CACNA1S: variants seen among roughly 807,000 people sequenced by gnomAD.
The protein encoded by CACNA1S is voltage-dependent L-type calcium channel subunit alpha-1S.
Under a neutral mutation model 207.4 loss-of-function variants are expected in CACNA1S, and 126 were observed. The observed-to-expected ratio is 0.61, with a 90% CI of 0.53 to 0.70. The LOEUF (loss-of-function observed/expected upper bound fraction) is 0.70. Among genes scored for constraint, CACNA1S ranks in the 30% least tolerant of loss-of-function variants. The pLI is 0.00. For synonymous variants in CACNA1S, 960 were observed against 932.7 expected (o/e 1.03, Z -0.53); for missense variants, 2,349 against 2,422.8 (o/e 0.97, Z 0.64).
intron 34 of CACNA1S, among the ~76,000 whole-genome samples, chr1:201,049,667 G>A (rs1327322796): frequency 1.3e-5 from 2 of 152,200 alleles, no homozygotes; most frequent in Non-Finnish European, 2.9e-5. Flanking sequence ...TTGATGGGCA[G>A]GCTGCGAAAA....
At chr1:201,050,291 C>T in intron 34 of CACNA1S, 98 bp downstream of exon 34, 2 of 1,281,838 alleles carry the variant, frequency 1.6e-6, no homozygotes, top group Non-Finnish European at 2.3e-6. Flanking sequence ...GAAGGAGAAG[C>T]CCACTCATAC....
chr1:201,084,293 A>T (rs1225038111), intron 9 of CACNA1S, among the ~76,000 whole-genome samples: 1 of 152,112 alleles, frequency 6.6e-6, no homozygotes. Flanking sequence ...AAAACAAAAA[A>T]ATCCTGGCAC....
chr1:201,062,148 C>G (rs1661073937), intron 23 of CACNA1S, 58 bp from the exon 24 acceptor site: 2 of 1,588,470 alleles, frequency 1.3e-6, no homozygotes, highest in African/African-American at 2.7e-5. Flanking sequence ...TTGCCCCACC[C>G]ACATCCTCTG....
chr1:201,076,806 C>T, intron 12 of CACNA1S, 114 bp downstream of exon 12: 2 of 968,152 alleles, frequency 2.1e-6, no homozygotes, highest in South Asian at 2.6e-5. Flanking sequence ...TTGCACTCAA[C>T]CAGCAGATCA....
intron 13 of CACNA1S, 32 bp from the exon 14 acceptor site, chr1:201,074,652 G>A (rs1171151720): frequency 2.1e-6 from 3 of 1,409,382 alleles, no homozygotes; most frequent in Non-Finnish European, 3.0e-6. Flanking sequence ...GCCTTTGGTT[G>A]TAGGTGGAAG....
chr1:201,043,563 G>T, intron 39 of CACNA1S, 32 bp from the exon 40 acceptor site: 1 of 1,612,288 alleles, frequency 6.2e-7, no homozygotes, highest in Non-Finnish European at 8.5e-7. Flanking sequence ...GTGACTGGGG[G>T]TGAGGGCAGG....
intron 2 of CACNA1S, among the ~76,000 whole-genome samples, chr1:201,098,969 C>T (rs1388069656): frequency 6.6e-6 from 1 of 152,198 alleles, no homozygotes. Context: ...GGCCTTGCAC[C>T]TGCTCCCAGG....
At chr1:201,045,568 C>G (rs11801986) in intron 38 of CACNA1S, among the ~76,000 whole-genome samples, 2 of 151,850 alleles carry the variant, frequency 1.3e-5, no homozygotes, top group Non-Finnish European at 2.9e-5. Context: ...AACCCCATCT[C>G]TACTAAAAAT....
In CACNA1S at chr1:201,096,864, T is replaced by C. The variant is rs541189078; in HGVS notation, c.259-2843A>G. ...CACTGTGTTCTATTGGTTTCCATTA[T>C]GTTCTATTGGTTTTCACAGAGCTGT... On this transcript the variant is annotated intron_variant, in intron 2 of 43. Transcript: ENST00000362061. Among the ~76,000 whole-genome samples the C allele has an allele frequency of 2.3e-3, 349 of 152,374 alleles. 2 individuals are homozygous for C. Among genetic ancestry groups the C allele is most frequent in the African/African-American group, 8.0e-3 (333 of 41,590 alleles).
intron 41 of CACNA1S, 22 bp downstream of exon 41, chr1:201,041,482 T>G (rs931301188): frequency 6.3e-7 from 1 of 1,589,462 alleles, no homozygotes; most frequent in African/African-American, 1.3e-5. Context: ...TCAAGCTTCT[T>G]AGATGCACAG....
At chr1:201,050,853 A>G (rs1660622670) in intron 33 of CACNA1S, 131 bp downstream of exon 33, 1 of 1,010,144 alleles carries the variant, frequency 9.9e-7, no homozygotes, top group Admixed American at 1.7e-5. Flanking sequence ...GGACAACCTA[A>G]CTAGAGCCTC....
At chr1:201,085,682 G>A in intron 7 of CACNA1S, 101 bp from the exon 8 acceptor site, 1 of 1,424,048 alleles carries the variant, frequency 7.0e-7, no homozygotes. Context: ...TGTGACTGGA[G>A]CGCTCCTTTT....
intron 41 of CACNA1S, among the ~76,000 whole-genome samples, chr1:201,041,157 G>C (rs1000285348): frequency 6.6e-6 from 1 of 152,308 alleles, no homozygotes. Context: ...ACGTCAGTGT[G>C]TCCAGGGGCT....
Position 201,075,482 on chromosome 1 carries a change from C to T in CACNA1S, c.1948+13G>A. On this transcript the variant is annotated intron_variant, in intron 13 of 43. Coordinates refer to ENST00000362061, the MANE Select transcript of CACNA1S (RefSeq NM_000069.3). ...CCTAAGCTCTTTTCTGCACCCTGCT[C>T]CCGAGAGGATACAGTTGCCACAGAC... is the stretch of plus-strand genomic sequence containing the variant. The T allele has an allele frequency of 1.9e-6, 3 of 1,610,446 alleles. No individual in the cohort carries two copies. Among genetic ancestry groups the T allele is most frequent in the Non-Finnish European group, 2.5e-6 (3 of 1,177,686 alleles).
In CACNA1S at chr1:201,091,646, C is replaced by T. The variant is rs754860600; in HGVS notation, c.688G>A (p.Gly230Ser). Residue 230 changes from glycine to serine, a missense_variant, in exon 5 of 44, where the codon GGT becomes AGT. Physicochemically the swap from Gly to Ser is moderately conservative, Grantham distance 56 (BLOSUM62 0). Transcript: ENST00000362061. ...ACTTTCCCTGGGAGCTCACCTGTAC[C>T]AATGAAGTAGCAGGTCTTGTGCATC... ...GKMHKTCYFIGTDIVATVENE... is the reference protein window; with the variant it reads ...GKMHKTCYFISTDIVATVENE... The T allele has an allele frequency of 6.2e-7, 1 of 1,614,224 alleles. No individual in the cohort carries two copies. The highest frequency in any genetic ancestry group is 2.2e-5 in the East Asian group (1 of 44,876).
At chr1:201,087,403 G>A (rs758834636) in intron 7 of CACNA1S, among the ~76,000 whole-genome samples, 9 of 152,122 alleles carry the variant, frequency 5.9e-5, no homozygotes, top group Non-Finnish European at 1.0e-4. Flanking sequence ...AAGCCCCACC[G>A]CCTCTTAGTG....
intron 38 of CACNA1S, among the ~76,000 whole-genome samples, chr1:201,045,987 CAAAATA>C (rs146390343): frequency 0.16 from 24,963 of 151,646 alleles, 2,438 homozygotes; most frequent in African/African-American, 0.28. Flanking sequence ...GAGATTATTT[CAAAATA>C]AAAATAGCCA....
intron 6 of CACNA1S, among the ~76,000 whole-genome samples, chr1:201,088,770 A>G (rs556849944): frequency 3.3e-4 from 51 of 152,340 alleles, no homozygotes; most frequent in African/African-American, 1.2e-3. Context: ...CTCTTACTGG[A>G]GTGTTGACTG....
At chr1:201,094,928 T>G (rs1410273229) in intron 2 of CACNA1S, among the ~76,000 whole-genome samples, 1 of 152,052 alleles carries the variant, frequency 6.6e-6, no homozygotes, top group African/African-American at 2.4e-5. Flanking sequence ...GAGAGCTATT[T>G]CTAACTGAGG....
Sources: gnomAD v4.1 joint callset for allele counts (sites outside exome capture counted in the v4.1 genomes callset) on GRCh38, gnomAD v4.1.1 for gene constraint, MANE v1.5 for transcripts, NCBI Gene and HGNC (gene_info 2026-07-23, HGNC 2026-07-21) for gene names.